Variants in R3HCC1L observed in about 807,000 individuals in gnomAD.
The protein encoded by R3HCC1L is coiled-coil domain-containing protein R3HCC1L.
R3HCC1L carries 51 observed loss-of-function variants against 59.9 expected under a neutral mutation model. The observed-to-expected ratio is 0.85, with a 90% CI of 0.68 to 1.07. R3HCC1L has a LOEUF of 1.07. R3HCC1L is among the 50% of genes least tolerant of loss of function. The pLI is 0.00. For missense variants in R3HCC1L, 965 were observed against 933.0 expected (o/e 1.03, Z -0.45); for synonymous variants, 322 against 315.2 (o/e 1.02, Z -0.23).
intron 5 of R3HCC1L, among the ~76,000 whole-genome samples, chr10:98,218,368 C>T (rs552350641): frequency 3.0e-4 from 46 of 151,904 alleles, no homozygotes; most frequent in African/African-American, 1.1e-3. Context: ...AAAAAAGATA[C>T]CATGATCAAG....
At position 98,228,187 on chromosome 10, in the gene R3HCC1L, A is replaced by G. The variant is rs143146206; in HGVS notation, c.1786-3325A>G. 5.0e-3 allele frequency among the ~76,000 whole-genome samples: 760 copies of G among 152,322 alleles called. 9 individuals carry two copies. The highest frequency in any genetic ancestry group is 0.017 in the African/African-American group (702 of 41,566). Reference sequence around the variant, plus strand: ...TCTTCCACAATGGTTGAACCAGTTTATAGTCCCACCAACAGTGTAAAAGTG... The same window carrying G: ...TCTTCCACAATGGTTGAACCAGTTTGTAGTCCCACCAACAGTGTAAAAGTG... On this transcript the variant is annotated intron_variant, in intron 5 of 9. Coordinates refer to ENST00000298999, the MANE Select transcript of R3HCC1L (RefSeq NM_001351015.2).
At chr10:98,204,053 G>A (rs2135163801) in intron 4 of R3HCC1L, among the ~76,000 whole-genome samples, 1 of 152,262 alleles carries the variant, frequency 6.6e-6, no homozygotes, top group South Asian at 2.1e-4. Flanking sequence ...CAGTTAAGAA[G>A]CAAATTAGAT....
intron 2 of R3HCC1L, among the ~76,000 whole-genome samples, chr10:98,156,963 A>G (rs1288218171): frequency 6.6e-6 from 1 of 152,210 alleles, no homozygotes; most frequent in Admixed American, 6.5e-5. Flanking sequence ...TAATTTTTTG[A>G]GCCTTTCCAT....
intron 1 of R3HCC1L, among the ~76,000 whole-genome samples, chr10:98,154,668 C>T (rs1224053453): frequency 6.6e-6 from 1 of 152,040 alleles, no homozygotes; most frequent in Non-Finnish European, 1.5e-5. Flanking sequence ...AGTGCCTGGC[C>T]GTTCAAATAA....
intron 4 of R3HCC1L, among the ~76,000 whole-genome samples, chr10:98,197,305 G>A (rs904502291): frequency 6.6e-6 from 1 of 151,986 alleles, no homozygotes; most frequent in African/African-American, 2.4e-5. Context: ...GTTTTTGCAC[G>A]TGTTCATTCT....
intron 4 of R3HCC1L, among the ~76,000 whole-genome samples, chr10:98,206,775 T>C (rs1852723650): frequency 6.6e-6 from 1 of 152,180 alleles, no homozygotes; most frequent in African/African-American, 2.4e-5. Flanking sequence ...GAAACACACT[T>C]CAGTACTTCT....
chr10:98,200,020 A>G (rs923559043), intron 4 of R3HCC1L, among the ~76,000 whole-genome samples: 1 of 152,028 alleles, frequency 6.6e-6, no homozygotes, highest in African/African-American at 2.4e-5. Context: ...GTTTCTCAAG[A>G]TATTTTCTTA....
At chr10:98,219,779 T>A (rs535319509) in intron 5 of R3HCC1L, among the ~76,000 whole-genome samples, 1 of 152,312 alleles carries the variant, frequency 6.6e-6, no homozygotes, top group South Asian at 2.1e-4. Context: ...TGTATATCCC[T>A]TCTATGTAAG....
chr10:98,146,740 T>C (rs985529326), intron 1 of R3HCC1L, among the ~76,000 whole-genome samples: 10 of 152,252 alleles, frequency 6.6e-5, no homozygotes, highest in Non-Finnish European at 1.3e-4. Flanking sequence ...AATTTCATTC[T>C]TCTTCATGAC....
intron 4 of R3HCC1L, among the ~76,000 whole-genome samples, chr10:98,195,634 A>G (rs1851354291): frequency 6.6e-6 from 1 of 152,136 alleles, no homozygotes; most frequent in African/African-American, 2.4e-5. Flanking sequence ...CTTTTCCTAA[A>G]AGTAGATTGT....
chr10:98,181,638 C>A (rs185667280), intron 4 of R3HCC1L, among the ~76,000 whole-genome samples: 1 of 152,188 alleles, frequency 6.6e-6, no homozygotes, highest in Non-Finnish European at 1.5e-5. Flanking sequence ...TTCTCCCCGT[C>A]ACTTTCAGGT....
chr10:98,179,458 G>T (rs1173183249), intron 4 of R3HCC1L, among the ~76,000 whole-genome samples: 1 of 152,150 alleles, frequency 6.6e-6, no homozygotes, highest in South Asian at 2.1e-4. Context: ...TGCTGGATTC[G>T]GTTTGCCGGG....
At chr10:98,149,079 A>G (rs1179089349) in intron 1 of R3HCC1L, among the ~76,000 whole-genome samples, 1 of 151,974 alleles carries the variant, frequency 6.6e-6, no homozygotes, top group African/African-American at 2.4e-5. Flanking sequence ...CTGTTTCTTC[A>G]TGGTTCAATC....
At chr10:98,185,940 T>C (rs1258654849) in intron 4 of R3HCC1L, among the ~76,000 whole-genome samples, 2 of 152,130 alleles carry the variant, frequency 1.3e-5, no homozygotes, top group Non-Finnish European at 2.9e-5. Flanking sequence ...GTAGTAGCAT[T>C]AGAGATAGGG....
chr10:98,198,570 A>G (rs997227151), intron 4 of R3HCC1L, among the ~76,000 whole-genome samples: 4 of 152,096 alleles, frequency 2.6e-5, no homozygotes, highest in African/African-American at 9.7e-5. Context: ...AAGTTGGGAA[A>G]AATGCTTCTA....
chr10:98,178,320 G>T (rs928470000), intron 4 of R3HCC1L, among the ~76,000 whole-genome samples: 14 of 152,124 alleles, frequency 9.2e-5, no homozygotes, highest in Non-Finnish European at 2.1e-4. Context: ...ATTAAATAGG[G>T]AATCCTTTCC....
At chr10:98,211,340 T>A in intron 5 of R3HCC1L, 3 of 1,533,774 alleles carry the variant, frequency 2.0e-6, no homozygotes, top group Non-Finnish European at 2.6e-6. Context: ...CGAGAACCAC[T>A]GCTCAAAGGT....
intron 4 of R3HCC1L, among the ~76,000 whole-genome samples, chr10:98,164,550 C>T (rs1847751230): frequency 6.6e-6 from 1 of 152,036 alleles, no homozygotes; most frequent in Non-Finnish European, 1.5e-5. Context: ...TCTCCTTGTA[C>T]CTGTCTTATT....
At chr10:98,201,120 G>A (rs919817610) in intron 4 of R3HCC1L, among the ~76,000 whole-genome samples, 1 of 152,106 alleles carries the variant, frequency 6.6e-6, no homozygotes, top group Non-Finnish European at 1.5e-5. Flanking sequence ...CCATTGATTT[G>A]GAGTGCCACG....
Sources: allele counts gnomAD v4.1 joint callset (sites outside exome capture counted in the v4.1 genomes callset), GRCh38; gene constraint gnomAD v4.1.1; transcripts MANE v1.5; gene names NCBI Gene and HGNC (gene_info 2026-07-23, HGNC 2026-07-21).